Variants in CYB5A observed in about 807,000 individuals in gnomAD.
CYB5A encodes cytochrome b5.
Under a neutral mutation model 16.2 loss-of-function variants are expected in CYB5A, and 10 were observed. That is an observed-to-expected ratio of 0.62 (90% CI 0.38 to 1.04). The LOEUF is 1.04. Ranked by LOEUF, CYB5A falls within the 50% of genes least tolerant of loss-of-function variation. The pLI is 0.01. For synonymous variants in CYB5A, 62 were observed against 57.0 expected (o/e 1.09, Z -0.40); for missense variants, 161 against 165.9 (o/e 0.97, Z 0.16).
intron 1 of CYB5A, among the ~76,000 whole-genome samples, chr18:74,282,351 C>A (rs1378110622): frequency 6.6e-6 from 1 of 152,158 alleles, no homozygotes; most frequent in Non-Finnish European, 1.5e-5. Context: ...CTTTCTGGCA[C>A]CGGACAAGGG....
At chr18:74,278,072 A>G (rs1788639) in intron 1 of CYB5A, among the ~76,000 whole-genome samples, 151,389 of 152,352 alleles carry the variant, frequency 0.99, 75,221 homozygotes, top group Middle Eastern at 1. Context: ...ATAGGGAAGT[A>G]TTCTGAGCAC....
In CYB5A at chr18:74,291,915, G is replaced by T. The variant is rs1362063126; in HGVS notation, c.-40C>A. 1 of 1,606,616 alleles carries T rather than the reference G, an allele frequency of 6.2e-7. No individual in the cohort carries two copies. The highest frequency in any genetic ancestry group is 8.5e-7 in the Non-Finnish European group (1 of 1,179,718). On this transcript the variant is annotated 5_prime_UTR_variant, in exon 1 of 5. Transcript: ENST00000340533. ...AGCCAGGCCCAGCACACACAGCCCC[G>T]TCGGGTGGAGCAGAGCGCGCGACTC...
rs1427385478 is a variant in CYB5A, at chr18:74,253,450, G to C, written c.*134C>G. On this transcript the variant is annotated 3_prime_UTR_variant, in exon 5 of 5. Transcript: ENST00000340533. ...TTCTTTTTGTTTTGTTTCTAATGTC[G>C]GAAGAAAAAGAAAGAGATATATTAA... is the stretch of plus-strand genomic sequence containing the variant. 9 of 637,190 alleles carry C rather than the reference G, an allele frequency of 1.4e-5. No homozygotes were observed. The highest frequency in any genetic ancestry group is 2.3e-5 in the Non-Finnish European group (8 of 348,940). The allele number at this position is 637,190 out of a possible 1,614,324, so 39.5% of individuals were successfully genotyped here.
chr18:74,278,261 C>T (rs2145072065), intron 1 of CYB5A, among the ~76,000 whole-genome samples: 1 of 152,288 alleles, frequency 6.6e-6, no homozygotes, highest in East Asian at 1.9e-4. Flanking sequence ...AGCCACTTCG[C>T]TGAGATCTGC....
In CYB5A at chr18:74,262,491, G is replaced by C. The variant is rs111558026; in HGVS notation, c.258+858C>G. On this transcript the variant is annotated intron_variant, in intron 2 of 4. Coordinates refer to ENST00000340533, the MANE Select transcript of CYB5A (RefSeq NM_148923.4). ...AAAAAGAAAAGAAAAGCCAAATTAG[G>C]CCAGTGTTTTCCAAAAGTTGGTCAA... Among the ~76,000 whole-genome samples the C allele has an allele frequency of 2.4e-3, 358 of 151,708 alleles. 1 individual carries two copies. Among genetic ancestry groups the C allele is most frequent in the African/African-American group, 8.0e-3 (330 of 41,354 alleles).
At chr18:74,261,936 A>G (rs1184203118) in intron 2 of CYB5A, among the ~76,000 whole-genome samples, 1 of 152,172 alleles carries the variant, frequency 6.6e-6, no homozygotes, top group Non-Finnish European at 1.5e-5. Context: ...ATGCACCACA[A>G]GTGGGAAGGC....
At chr18:74,266,155 A>G (rs1982424323) in intron 1 of CYB5A, among the ~76,000 whole-genome samples, 1 of 152,212 alleles carries the variant, frequency 6.6e-6, no homozygotes, top group Non-Finnish European at 1.5e-5. Context: ...CTCAAAGCCA[A>G]CCCGAAACTT....
intron 1 of CYB5A, among the ~76,000 whole-genome samples, chr18:74,267,689 A>C (rs957433529): frequency 1.3e-5 from 2 of 152,212 alleles, no homozygotes; most frequent in Non-Finnish European, 2.9e-5. Flanking sequence ...TAAAAGATTT[A>C]AGAAAAAGAC....
chr18:74,270,439 A>G (rs1982626565), intron 1 of CYB5A, among the ~76,000 whole-genome samples: 1 of 152,048 alleles, frequency 6.6e-6, no homozygotes, highest in Admixed American at 6.5e-5. Flanking sequence ...TAAATAATTA[A>G]TGAAAGCAGG....
chr18:74,267,167 T>A (rs1252937145), intron 1 of CYB5A, among the ~76,000 whole-genome samples: 1 of 152,156 alleles, frequency 6.6e-6, no homozygotes, highest in Non-Finnish European at 1.5e-5. Context: ...ATCACTTTTT[T>A]TTTTTTTGAG....
intron 1 of CYB5A, among the ~76,000 whole-genome samples, chr18:74,276,285 A>G (rs925277736): frequency 6.6e-6 from 1 of 152,096 alleles, no homozygotes; most frequent in Non-Finnish European, 1.5e-5. Flanking sequence ...TGGGACGGGA[A>G]CCCTGCTTTC....
Position 74,255,873 on chromosome 18 carries a change from T to A in CYB5A, c.289-98A>T, listed in dbSNP as rs1981957956. On this transcript the variant is annotated intron_variant, in intron 3 of 4. Coordinates refer to ENST00000340533, the MANE Select transcript of CYB5A (RefSeq NM_148923.4). ...TTGAAAATAAGAACACAATATTTTATGCAATGCATTCTTCAGAAGATGTCG... is the reference window on the plus strand; with the variant it reads ...TTGAAAATAAGAACACAATATTTTAAGCAATGCATTCTTCAGAAGATGTCG... The A allele has an allele frequency of 5.4e-6, 5 of 924,644 alleles. No homozygotes were observed. In the Admixed American group the frequency reaches 7.0e-5, roughly 13 times the overall value. 57.3% of individuals were successfully genotyped at this position (924,644 alleles called of 1,614,324 possible). A position where few individuals can be genotyped will look rare whatever the true frequency, so the allele number is the denominator to read the frequency against.
intron 1 of CYB5A, among the ~76,000 whole-genome samples, chr18:74,274,163 C>T (rs555817407): frequency 4.7e-4 from 72 of 152,234 alleles, no homozygotes; most frequent in South Asian, 1.0e-3. Context: ...CACAATAGTG[C>T]GAATATGTCA....
At chr18:74,269,374 C>G (rs1470774219) in intron 1 of CYB5A, among the ~76,000 whole-genome samples, 1 of 152,148 alleles carries the variant, frequency 6.6e-6, no homozygotes, top group Non-Finnish European at 1.5e-5. Flanking sequence ...ACAGGAGCAC[C>G]CTGGGGCTCA....
At position 74,253,344 on chromosome 18, in the gene CYB5A, AAAT is replaced by A; in HGVS notation, c.*237_*239del. On this transcript the variant is annotated 3_prime_UTR_variant, in exon 5 of 5. Coordinates refer to ENST00000340533, the MANE Select transcript of CYB5A (RefSeq NM_148923.4). The stretch of plus-strand genomic sequence containing the variant: ...TTAAAAGATCATGCTTATAATAAGT[AAAT>A]TACACATTAAGGAAACATCAAAATA... The A allele has an allele frequency of 2.3e-6, 1 of 425,954 alleles. No individual in the cohort carries two copies. Among genetic ancestry groups the A allele is most frequent in the Non-Finnish European group, 4.4e-6 (1 of 227,766 alleles). The allele number at this position is 425,954 out of a possible 1,614,324, so 26.4% of individuals were successfully genotyped here.
chr18:74,268,316 C>T (rs1982529614), intron 1 of CYB5A, among the ~76,000 whole-genome samples: 1 of 152,156 alleles, frequency 6.6e-6, no homozygotes, highest in African/African-American at 2.4e-5. Flanking sequence ...GTGGGAGCTG[C>T]AGTCAACAAG....
intron 1 of CYB5A, among the ~76,000 whole-genome samples, chr18:74,285,501 C>A (rs570457757): frequency 6.6e-6 from 1 of 152,150 alleles, no homozygotes; most frequent in East Asian, 1.9e-4. Context: ...GTGAATGAGG[C>A]GCAACCAAGT....
intron 1 of CYB5A, among the ~76,000 whole-genome samples, chr18:74,284,431 G>A (rs1983242987): frequency 6.6e-6 from 1 of 152,130 alleles, no homozygotes. Flanking sequence ...TTTACTTGGG[G>A]ACGATTAATG....
At chr18:74,289,102 C>T (rs1400650867) in intron 1 of CYB5A, among the ~76,000 whole-genome samples, 3 of 152,214 alleles carry the variant, frequency 2.0e-5, no homozygotes, top group Admixed American at 6.5e-5. Context: ...TCCTCACTCA[C>T]GCCATCCTCC....
Sources: allele counts gnomAD v4.1 joint callset (sites outside exome capture counted in the v4.1 genomes callset), GRCh38; gene constraint gnomAD v4.1.1; transcripts MANE v1.5; gene names NCBI Gene and HGNC (gene_info 2026-07-23, HGNC 2026-07-21).